GPHN: variants seen among roughly 807,000 people sequenced by gnomAD.
The protein encoded by GPHN is gephyrin.
A neutral mutation model predicts 95.5 loss-of-function variants in GPHN; 17 were observed. That is an observed-to-expected ratio of 0.18 (90% CI 0.12 to 0.27). GPHN has a LOEUF of 0.27. Ranked by LOEUF, GPHN falls within the 10% of genes least tolerant of loss-of-function variation. The pLI, the probability that GPHN is intolerant of heterozygous loss-of-function variation, is 1.00. For missense variants in GPHN, 660 were observed against 978.1 expected (o/e 0.67, Z 4.34); for synonymous variants, 320 against 322.5 (o/e 0.99, Z 0.08).
At chr14:66,574,817 G>C (rs976222548) in intron 1 of GPHN, among the ~76,000 whole-genome samples, 6 of 152,256 alleles carry the variant, frequency 3.9e-5, no homozygotes, top group Admixed American at 3.3e-4. Context: ...TCCCAGATCT[G>C]GGATATACTC....
intron 21 of GPHN, among the ~76,000 whole-genome samples, chr14:67,172,177 A>T (rs1255507549): frequency 6.6e-6 from 1 of 152,126 alleles, no homozygotes; most frequent in African/African-American, 2.4e-5. Context: ...TAACATCCAC[A>T]GGCTGAGATG....
At chr14:67,424,565 C>T in the GPHN span, among the ~76,000 whole-genome samples, 3 of 147,128 alleles carry the variant, frequency 2.0e-5, no homozygotes, top group Admixed American at 2.1e-4. Flanking sequence ...TGCCACTGCA[C>T]TCCAGGTTGG....
chr14:66,577,909 T>C (rs2060974440), intron 1 of GPHN, among the ~76,000 whole-genome samples: 1 of 152,022 alleles, frequency 6.6e-6, no homozygotes, highest in African/African-American at 2.4e-5. Context: ...TGGACAGGAA[T>C]CCTATTTTAG....
chr14:67,201,574 G>A, the GPHN span: 183 of 454,928 alleles, frequency 4.0e-4, no homozygotes, highest in Non-Finnish European at 5.9e-4. Context: ...TGTATGTCTT[G>A]CTGGTCACAT....
chr14:66,806,196 C>G (rs2060534848), intron 3 of GPHN, among the ~76,000 whole-genome samples: 1 of 152,174 alleles, frequency 6.6e-6, no homozygotes, highest in African/African-American at 2.4e-5. Flanking sequence ...TACGTTGTCC[C>G]CTTTCAGCCA....
intron 2 of GPHN, among the ~76,000 whole-genome samples, chr14:66,732,767 G>A (rs1052608336): frequency 6.6e-5 from 10 of 152,166 alleles, no homozygotes; most frequent in East Asian, 1.9e-4. Flanking sequence ...CACCCCCCTC[G>A]GCCTCCCAAA....
At chr14:67,501,194 C>A in the GPHN span, among the ~76,000 whole-genome samples, 1 of 151,936 alleles carries the variant, frequency 6.6e-6, no homozygotes, top group East Asian at 1.9e-4. Context: ...GTACTCCCTG[C>A]CCTGAGGACA....
At chr14:66,665,126 C>T (rs1464344050) in intron 1 of GPHN, among the ~76,000 whole-genome samples, 3 of 151,982 alleles carry the variant, frequency 2.0e-5, no homozygotes, top group Non-Finnish European at 4.4e-5. Context: ...CTCCCTAACT[C>T]ATTCTATGAG....
chr14:67,093,304 T>C (rs1039871897), intron 12 of GPHN, among the ~76,000 whole-genome samples: 14 of 152,160 alleles, frequency 9.2e-5, no homozygotes, highest in Admixed American at 6.6e-4. Context: ...TATTAGCATT[T>C]TGTGCATTTA....
At chr14:66,804,637 A>G (rs1305838647) in intron 3 of GPHN, among the ~76,000 whole-genome samples, 1 of 152,184 alleles carries the variant, frequency 6.6e-6, no homozygotes, top group African/African-American at 2.4e-5. Context: ...CCTATGTCCA[A>G]AATCAACAAA....
chr14:66,982,660 T>C (rs2070752350), intron 9 of GPHN, among the ~76,000 whole-genome samples: 1 of 152,190 alleles, frequency 6.6e-6, no homozygotes, highest in East Asian at 1.9e-4. Flanking sequence ...TTTTTTGTTT[T>C]GCTCCTAAAT....
At chr14:67,208,528 C>T in the GPHN span, 1 of 1,411,606 alleles carries the variant, frequency 7.1e-7, no homozygotes. Context: ...AGTCTCTTAA[C>T]TCAGGCATCT....
the GPHN span, among the ~76,000 whole-genome samples, chr14:67,431,391 CAAAA>C: frequency 0.019 from 1,467 of 76,140 alleles, 3 homozygotes; most frequent in African/African-American, 0.06. Context: ...GACTCTGTCT[CAAAA>C]AAAAAAAAAA....
chr14:66,978,826 G>C (rs2070442669), intron 9 of GPHN, among the ~76,000 whole-genome samples: 1 of 152,156 alleles, frequency 6.6e-6, no homozygotes, highest in Admixed American at 6.5e-5. Context: ...TATGGCAACT[G>C]TATAGCCTTA....
At chr14:67,394,666 G>C in the GPHN span, among the ~76,000 whole-genome samples, 1 of 152,116 alleles carries the variant, frequency 6.6e-6, no homozygotes, top group East Asian at 1.9e-4. Flanking sequence ...TCTTTTGCCT[G>C]GGAGGTTGGT....
chr14:67,527,942 C>T, the GPHN span, among the ~76,000 whole-genome samples: 1 of 152,154 alleles, frequency 6.6e-6, no homozygotes, highest in South Asian at 2.1e-4. Flanking sequence ...CATGAAGAGG[C>T]CCTCCAAAGT....
the GPHN span, chr14:67,208,208 T>A: frequency 6.2e-7 from 1 of 1,612,454 alleles, no homozygotes; most frequent in Non-Finnish European, 8.5e-7. Context: ...AAAGGAAAAA[T>A]TGAAAAACAT....
chr14:67,200,002 G>C, the GPHN span: 1 of 1,021,424 alleles, frequency 9.8e-7, no homozygotes, highest in Non-Finnish European at 1.4e-6. Context: ...GGCACACCAT[G>C]GACCTCATGG....
intron 21 of GPHN, among the ~76,000 whole-genome samples, chr14:67,178,036 T>G (rs1489613366): frequency 6.6e-6 from 1 of 152,264 alleles, no homozygotes; most frequent in Non-Finnish European, 1.5e-5. Context: ...CTGTATCTTT[T>G]AATTGGGGCA....
Sources: allele counts gnomAD v4.1 joint callset (sites outside exome capture counted in the v4.1 genomes callset), GRCh38; gene constraint gnomAD v4.1.1; transcripts MANE v1.5; gene names NCBI Gene and HGNC (gene_info 2026-07-23, HGNC 2026-07-21).